CABIN1: variants seen among roughly 807,000 people sequenced by gnomAD.
The protein encoded by CABIN1 is calcineurin binding protein 1, also known as calcineurin-binding protein cabin-1.
Under a neutral mutation model 227.7 loss-of-function variants are expected in CABIN1, and 133 were observed. The ratio of observed to expected loss-of-function variants is 0.58; its 90% CI spans 0.51 to 0.67. The LOEUF is 0.67. Among genes scored for constraint, CABIN1 ranks in the 30% least tolerant of loss-of-function variants. CABIN1 has a pLI of 0.00. For synonymous variants in CABIN1, 1,086 were observed against 1,155.1 expected (o/e 0.94, Z 1.21); for missense variants, 2,408 against 2,852.5 (o/e 0.84, Z 3.55).
At position 24,091,640 on chromosome 22, in the gene CABIN1, G is replaced by A. The variant is rs1470757966; in HGVS notation, c.3583G>A (p.Ala1195Thr). 3 of 1,614,232 alleles carry A rather than the reference G, an allele frequency of 1.9e-6. No individual in the cohort carries two copies. Among genetic ancestry groups the A allele is most frequent in the Admixed American group, 3.3e-5 (2 of 60,034 alleles). Residue 1195 changes from alanine to threonine, a missense_variant, in exon 24 of 37, where the codon GCC becomes ACC. Physicochemically the swap from Ala to Thr is moderately conservative, Grantham distance 58. Transcript: ENST00000263119. ...AGCCAAGCACTGTTTCACATCAGCA[G>A]CCCGCTGCGAGGGTGATGGTGACGA... The part of the protein sequence containing the change: ...ETAKHCFTSA[A>T]RCEGDGDEEE...
intron 4 of CABIN1, among the ~76,000 whole-genome samples, chr22:24,040,485 G>C (rs1424850270): frequency 1.3e-5 from 2 of 152,162 alleles, no homozygotes; most frequent in African/African-American, 4.8e-5. Context: ...TGGAGCAATA[G>C]TTTTCTAATC....
At chr22:24,114,252 G>A (rs991088655) in intron 27 of CABIN1, among the ~76,000 whole-genome samples, 2 of 152,176 alleles carry the variant, frequency 1.3e-5, no homozygotes, top group African/African-American at 4.8e-5. Flanking sequence ...CTCCTGGGGG[G>A]TCCAGGCCCC....
intron 29 of CABIN1, among the ~76,000 whole-genome samples, chr22:24,157,860 G>A (rs577467949): frequency 2.6e-5 from 4 of 152,256 alleles, no homozygotes; most frequent in African/African-American, 4.8e-5. Flanking sequence ...CTGGGGGGGC[G>A]GGGAGGCCCC....
At chr22:24,081,855 C>T (rs958958731) in intron 19 of CABIN1, among the ~76,000 whole-genome samples, 13 of 151,892 alleles carry the variant, frequency 8.6e-5, no homozygotes, top group Non-Finnish European at 1.5e-4. Flanking sequence ...GGTGAAACCC[C>T]GTCTCTACTA....
At chr22:24,066,781 G>A (rs995224724) in intron 15 of CABIN1, among the ~76,000 whole-genome samples, 1 of 152,188 alleles carries the variant, frequency 6.6e-6, no homozygotes, top group Non-Finnish European at 1.5e-5. Context: ...AGAATTGGAT[G>A]CCTAGCCATT....
intron 29 of CABIN1, among the ~76,000 whole-genome samples, chr22:24,161,068 AG>A (rs1354109873): frequency 6.6e-6 from 1 of 152,222 alleles, no homozygotes; most frequent in Non-Finnish European, 1.5e-5. Context: ...GGCTGTAGGC[AG>A]GGTTTGGTAA....
chr22:24,096,919 G>T (rs1352070699), intron 25 of CABIN1, among the ~76,000 whole-genome samples: 1 of 152,172 alleles, frequency 6.6e-6, no homozygotes, highest in Non-Finnish European at 1.5e-5. Context: ...GGGTTCAGCT[G>T]AGTGCCAGAG....
At chr22:24,139,748 T>C (rs2044639608) in intron 29 of CABIN1, among the ~76,000 whole-genome samples, 2 of 152,202 alleles carry the variant, frequency 1.3e-5, no homozygotes, top group African/African-American at 4.8e-5. Flanking sequence ...TCCTGGTTTG[T>C]GCGTCTTTGT....
At chr22:24,128,191 C>T (rs1014186715) in intron 28 of CABIN1, among the ~76,000 whole-genome samples, 1 of 151,652 alleles carries the variant, frequency 6.6e-6, no homozygotes, top group African/African-American at 2.4e-5. Context: ...CACAAACAGA[C>T]ACACACTCAC....
intron 6 of CABIN1, among the ~76,000 whole-genome samples, chr22:24,048,567 C>T (rs1261925486): frequency 6.6e-6 from 1 of 152,120 alleles, no homozygotes; most frequent in Non-Finnish European, 1.5e-5. Context: ...ACTGCAGGTG[C>T]ACACCAACAT....
At chr22:24,042,822 G>A in intron 5 of CABIN1, 82 bp from the exon 6 acceptor site, 2 of 352,578 alleles carry the variant, frequency 5.7e-6, no homozygotes, top group Non-Finnish European at 1.0e-5. Context: ...ATCTGACTGT[G>A]TGTGTGTGTG....
At chr22:24,030,437 A>G (rs907875530) in intron 1 of CABIN1, among the ~76,000 whole-genome samples, 1 of 152,150 alleles carries the variant, frequency 6.6e-6, no homozygotes, top group Non-Finnish European at 1.5e-5. Context: ...ATTAAATTCA[A>G]GTGAGATAAT....
chr22:24,160,772 G>A (rs777800902), intron 29 of CABIN1, among the ~76,000 whole-genome samples: 11 of 152,220 alleles, frequency 7.2e-5, no homozygotes, highest in African/African-American at 2.2e-4. Context: ...TTGTCACCTC[G>A]AAGTGGTGCC....
At position 24,119,855 on chromosome 22, in the gene CABIN1, G is replaced by A. The variant is rs550291913; in HGVS notation, c.4632+157G>A. ...CTGCAGGAGGCAGGGCCAGCCCCAGGAGTGGGCCAGCTTGCCAGGGAACCT... is the reference window on the plus strand; with the variant it reads ...CTGCAGGAGGCAGGGCCAGCCCCAGAAGTGGGCCAGCTTGCCAGGGAACCT... On this transcript the variant is annotated intron_variant, in intron 28 of 36. Transcript: ENST00000263119. 3.9e-4 allele frequency among the ~76,000 whole-genome samples: 59 copies of A among 152,382 alleles called. No homozygotes were observed. The South Asian group carries it at 0.012, about 30-fold the overall frequency.
intron 4 of CABIN1, among the ~76,000 whole-genome samples, chr22:24,039,625 G>C (rs1034361989): frequency 6.6e-6 from 1 of 152,170 alleles, no homozygotes; most frequent in Non-Finnish European, 1.5e-5. Flanking sequence ...GGAATGCCAG[G>C]TGGGCCCAGC....
chr22:24,111,605 G>C (rs2042811980), intron 26 of CABIN1, among the ~76,000 whole-genome samples: 1 of 152,254 alleles, frequency 6.6e-6, no homozygotes, highest in East Asian at 1.9e-4. Context: ...AAAAGGTTGG[G>C]GACTGCTGAT....
At chr22:24,111,322 G>A (rs1024249778) in intron 26 of CABIN1, among the ~76,000 whole-genome samples, 1 of 152,176 alleles carries the variant, frequency 6.6e-6, no homozygotes, top group African/African-American at 2.4e-5. Flanking sequence ...GTACCAGTCC[G>A]TGGCCTGTTA....
At chr22:24,143,489 T>G (rs1055210487) in intron 29 of CABIN1, among the ~76,000 whole-genome samples, 1 of 152,194 alleles carries the variant, frequency 6.6e-6, no homozygotes, top group Admixed American at 6.5e-5. Flanking sequence ...GCTGGCTAGC[T>G]GGGTTGTACC....
rs372782969 is a variant in CABIN1 at position 24,161,664 on chromosome 22, T to C, written c.4747-2736T>C. Among the ~76,000 whole-genome samples, 91 of 152,330 alleles carry C rather than the reference T, an allele frequency of 6.0e-4. 1 individual carries two copies. The South Asian group carries it at 0.018, about 30-fold the overall frequency. On this transcript the variant is annotated intron_variant, in intron 29 of 36. Coordinates refer to ENST00000263119, the MANE Select transcript of CABIN1 (RefSeq NM_012295.4). ...GCCAGGCCTCTTGGTCACTGCTGCCTATGCCCTTCTTTTCTGGCCCTGACT... is the reference window on the plus strand; with the variant it reads ...GCCAGGCCTCTTGGTCACTGCTGCCCATGCCCTTCTTTTCTGGCCCTGACT...
Sources: gnomAD v4.1 joint callset for allele counts (sites outside exome capture counted in the v4.1 genomes callset) on GRCh38, gnomAD v4.1.1 for gene constraint, MANE v1.5 for transcripts, NCBI Gene and HGNC (gene_info 2026-07-23, HGNC 2026-07-21) for gene names.